ST6GALNAC3: variants seen among roughly 807,000 people sequenced by gnomAD.
The protein encoded by ST6GALNAC3 is alpha-N-acetylgalactosaminide alpha-2,6-sialyltransferase 3.
ST6GALNAC3 carries 25 observed loss-of-function variants against 32.7 expected under a neutral mutation model. The observed-to-expected ratio is 0.76, with a 90% CI of 0.56 to 1.07. ST6GALNAC3 has a LOEUF of 1.07. Ranked by LOEUF, ST6GALNAC3 falls within the 50% of genes least tolerant of loss-of-function variation. The pLI, the probability that ST6GALNAC3 is intolerant of heterozygous loss-of-function variation, is 0.00. For synonymous variants in ST6GALNAC3, 129 were observed against 133.1 expected, an observed-to-expected ratio of 0.97 and a Z score of 0.21; for missense variants, 355 against 382.4, an observed-to-expected ratio of 0.93 and a Z score of 0.60.
At chr1:76,215,352 T>A (rs1655393786) in intron 1 of ST6GALNAC3, among the ~76,000 whole-genome samples, 1 of 152,288 alleles carries the variant, frequency 6.6e-6, no homozygotes, top group South Asian at 2.1e-4. Flanking sequence ...CTGCCAGAAT[T>A]TAGATTTTAG....
At chr1:76,267,016 A>G (rs1280542503) in intron 1 of ST6GALNAC3, among the ~76,000 whole-genome samples, 3 of 152,230 alleles carry the variant, frequency 2.0e-5, no homozygotes, top group Non-Finnish European at 2.9e-5. Context: ...GGCAATGCCA[A>G]TGTGAAGTCC....
At chr1:76,569,550 T>C (rs144151821) in intron 3 of ST6GALNAC3, among the ~76,000 whole-genome samples, 74 of 152,296 alleles carry the variant, frequency 4.9e-4, no homozygotes, top group Non-Finnish European at 7.5e-4. Flanking sequence ...AATGAAACTT[T>C]ATTAGCAAGT....
At chr1:76,374,222 G>T (rs1300504124) in intron 2 of ST6GALNAC3, among the ~76,000 whole-genome samples, 1 of 152,156 alleles carries the variant, frequency 6.6e-6, no homozygotes, top group Non-Finnish European at 1.5e-5. Flanking sequence ...TGCAGCAGCT[G>T]TTGAAAAAAT....
intron 1 of ST6GALNAC3, among the ~76,000 whole-genome samples, chr1:76,244,328 C>G (rs934576185): frequency 6.6e-6 from 1 of 152,182 alleles, no homozygotes; most frequent in Non-Finnish European, 1.5e-5. Context: ...AGTTGCTTAT[C>G]AGCGTAAGGA....
intron 3 of ST6GALNAC3, among the ~76,000 whole-genome samples, chr1:76,469,086 A>C (rs2101620948): frequency 6.6e-6 from 1 of 152,194 alleles, no homozygotes; most frequent in South Asian, 2.1e-4. Context: ...TGTGCAGAAA[A>C]CAATTCTTGC....
At chr1:76,273,895 G>A (rs1448327220) in intron 1 of ST6GALNAC3, among the ~76,000 whole-genome samples, 3 of 152,138 alleles carry the variant, frequency 2.0e-5, no homozygotes, top group Non-Finnish European at 4.4e-5. Context: ...CCACTCCTGT[G>A]CTTTATGGGA....
rs76778830 is a variant in ST6GALNAC3, at chr1:76,389,299, T to G, written c.214-22709T>G. Among the ~76,000 whole-genome samples the G allele has an allele frequency of 2.7e-3, 416 of 152,188 alleles. 2 individuals are homozygous for G. Among genetic ancestry groups the G allele is most frequent in the African/African-American group, 9.0e-3 (374 of 41,528 alleles). On this transcript the variant is annotated intron_variant, in intron 2 of 4. Coordinates refer to ENST00000328299, the MANE Select transcript of ST6GALNAC3 (RefSeq NM_152996.4). ...GGCTGAGACAAGAACATGGCATGGTTGAGAAATGTAAAGAAATTAAGTGTG... is the reference window on the plus strand; with the variant it reads ...GGCTGAGACAAGAACATGGCATGGTGGAGAAATGTAAAGAAATTAAGTGTG...
At chr1:76,573,095 A>C (rs315022) in intron 3 of ST6GALNAC3, among the ~76,000 whole-genome samples, 11,616 of 152,068 alleles carry the variant, frequency 0.076, 826 homozygotes, top group East Asian at 0.2. Context: ...AATAGGCTTA[A>C]TCATTTTATT....
intron 1 of ST6GALNAC3, among the ~76,000 whole-genome samples, chr1:76,140,451 C>T (rs1650240478): frequency 6.6e-6 from 1 of 151,946 alleles, no homozygotes; most frequent in Non-Finnish European, 1.5e-5. Context: ...GTCACATGGT[C>T]CCTGCTTACT....
intron 3 of ST6GALNAC3, among the ~76,000 whole-genome samples, chr1:76,571,758 T>C (rs1665874974): frequency 1.3e-5 from 2 of 152,098 alleles, no homozygotes; most frequent in South Asian, 4.1e-4. Flanking sequence ...ACATGTTAAC[T>C]CAAAATTATT....
chr1:76,324,915 T>A (rs1209599816), intron 2 of ST6GALNAC3, among the ~76,000 whole-genome samples: 2 of 152,148 alleles, frequency 1.3e-5, no homozygotes, highest in Admixed American at 1.3e-4. Context: ...TGCACTTTCA[T>A]TTTTTTAATT....
intron 1 of ST6GALNAC3, among the ~76,000 whole-genome samples, chr1:76,195,782 C>A (rs1237940404): frequency 6.6e-6 from 1 of 152,236 alleles, no homozygotes; most frequent in Non-Finnish European, 1.5e-5. Context: ...CCTCCAGGAT[C>A]AAGGGCTTCT....
chr1:76,106,986 A>G (rs898035449), intron 1 of ST6GALNAC3, among the ~76,000 whole-genome samples: 3 of 152,100 alleles, frequency 2.0e-5, no homozygotes, highest in African/African-American at 4.8e-5. Flanking sequence ...ATTAACTTCT[A>G]TTTTTCCATT....
At position 76,389,012 on chromosome 1, in the gene ST6GALNAC3, C is replaced by CT. The variant is rs371619828; in HGVS notation, c.214-22980dup. Among the ~76,000 whole-genome samples, 41 of 127,358 alleles carry CT rather than the reference C, an allele frequency of 3.2e-4. 2 individuals carry two copies. Among genetic ancestry groups the CT allele is most frequent in the African/African-American group, 7.1e-4 (24 of 33,942 alleles). The allele number at this position is 127,358 out of a possible 152,430, so 83.6% of individuals were successfully genotyped here. ...GTGTGGTTGTTAGTTGGTATATTTC[C>CT]TTTTTTTTTTTTTTTTGAGACAGAG... On this transcript the variant is annotated intron_variant, in intron 2 of 4. Transcript: ENST00000328299.
intron 2 of ST6GALNAC3, among the ~76,000 whole-genome samples, chr1:76,368,011 C>T (rs1650513774): frequency 6.6e-6 from 1 of 152,170 alleles, no homozygotes; most frequent in Non-Finnish European, 1.5e-5. Context: ...CTATTGCCCA[C>T]TCCAGCACCT....
At chr1:76,301,361 G>A (rs1660715192) in intron 1 of ST6GALNAC3, among the ~76,000 whole-genome samples, 1 of 151,870 alleles carries the variant, frequency 6.6e-6, no homozygotes, top group African/African-American at 2.4e-5. Flanking sequence ...AGAGTGATCT[G>A]GTGATGGTTT....
intron 3 of ST6GALNAC3, among the ~76,000 whole-genome samples, chr1:76,467,767 T>C (rs933831644): frequency 3.3e-5 from 5 of 151,918 alleles, no homozygotes; most frequent in Non-Finnish European, 5.9e-5. Context: ...TTTTTTGCAA[T>C]TATTTTTTCT....
chr1:76,327,600 C>T (rs1300002251), intron 2 of ST6GALNAC3, among the ~76,000 whole-genome samples: 1 of 152,124 alleles, frequency 6.6e-6, no homozygotes, highest in Non-Finnish European at 1.5e-5. Context: ...CACAGAGCAT[C>T]CCATTTTGAG....
chr1:76,311,173 GCCT>G (rs905522946), intron 1 of ST6GALNAC3, among the ~76,000 whole-genome samples: 8 of 152,030 alleles, frequency 5.3e-5, no homozygotes, highest in Admixed American at 3.9e-4. Flanking sequence ...AATTGGGATA[GCCT>G]CCTAACTAGT....
Sources: allele counts gnomAD v4.1 joint callset (sites outside exome capture counted in the v4.1 genomes callset), GRCh38; gene constraint gnomAD v4.1.1; transcripts MANE v1.5; gene names NCBI Gene and HGNC (gene_info 2026-07-23, HGNC 2026-07-21).